The following HS3ST4 variants were observed in gnomAD, a reference collection of about 807,000 sequenced individuals.
The protein encoded by HS3ST4 is heparan sulfate-glucosamine 3-sulfotransferase 4, also known as heparan sulfate glucosamine 3-O-sulfotransferase 4.
Under a neutral mutation model 29.2 loss-of-function variants are expected in HS3ST4, and 17 were observed. That is an observed-to-expected ratio of 0.58 (90% confidence interval 0.40 to 0.87). The LOEUF (loss-of-function observed/expected upper bound fraction) is 0.87, where lower values mean the gene tolerates loss of function less well. HS3ST4 is among the 40% of genes least tolerant of loss of function. HS3ST4 has a pLI of 0.00. For synonymous variants in HS3ST4, 314 were observed against 285.7 expected, an observed-to-expected ratio of 1.10 and a Z score of -1.00; for missense variants, 627 against 634.5, an observed-to-expected ratio of 0.99 and a Z score of 0.13.
intron 1 of HS3ST4, among the ~76,000 whole-genome samples, chr16:25,902,026 C>T (rs1472507388): frequency 2.0e-5 from 3 of 152,224 alleles, no homozygotes; most frequent in African/African-American, 4.8e-5. Flanking sequence ...TCTACCTCTG[C>T]ATCACATCTC....
At chr16:25,929,745 G>C (rs1968444945) in intron 1 of HS3ST4, among the ~76,000 whole-genome samples, 1 of 152,176 alleles carries the variant, frequency 6.6e-6, no homozygotes, top group Non-Finnish European at 1.5e-5. Context: ...TGTTCAGCTT[G>C]TCTGAGAAGA....
At position 25,882,799 on chromosome 16, in the gene HS3ST4, A is replaced by G. The variant is rs114701886; in HGVS notation, c.734+189648A>G. Among the ~76,000 whole-genome samples, 684 of 152,266 alleles carry G rather than the reference A, an allele frequency of 4.5e-3. 4 individuals carry two copies. Among genetic ancestry groups the G allele is most frequent in the African/African-American group, 0.016 (645 of 41,554 alleles). On this transcript the variant is annotated intron_variant, in intron 1 of 1. Transcript: ENST00000331351. ...ACATGCTGGTCACTGTCTTCACCAG[A>G]TGCCCACAAGAATAATTAACATGGT...
intron 1 of HS3ST4, among the ~76,000 whole-genome samples, chr16:25,824,393 G>C (rs936212032): frequency 6.6e-6 from 1 of 152,152 alleles, no homozygotes; most frequent in African/African-American, 2.4e-5. Context: ...ATTTATAAAG[G>C]AAAGAGGCTT....
rs150134998 is a variant in HS3ST4, at chr16:25,822,993, C to T, written c.734+129842C>T. On this transcript the variant is annotated intron_variant, in intron 1 of 1. Coordinates refer to ENST00000331351, the MANE Select transcript of HS3ST4 (RefSeq NM_006040.3). ...CCTCAAGTGATCTGCCCTCCTTTGC[C>T]TCCTAAAGGGCTGGGATTACAGGCG... Among the ~76,000 whole-genome samples, 1,053 of 152,248 alleles carry T rather than the reference C, an allele frequency of 6.9e-3. 3 individuals are homozygous for T. The highest frequency in any genetic ancestry group is 0.012 in the Non-Finnish European group (799 of 68,022).
At position 26,059,327 on chromosome 16, in the gene HS3ST4, C is replaced by G. The variant is rs141899659; in HGVS notation, c.735-76285C>G. ...CCTCCCCTCCTCTCTCCTTGCCTCT[C>G]TCTCTTTTTTTTGAATATTGATCAC... On this transcript the variant is annotated intron_variant, in intron 1 of 1. Coordinates refer to ENST00000331351, the MANE Select transcript of HS3ST4 (RefSeq NM_006040.3). 7.5e-3 allele frequency among the ~76,000 whole-genome samples: 1,142 copies of G among 152,136 alleles called. 19 individuals are homozygous for G. Among genetic ancestry groups the G allele is most frequent in the African/African-American group, 0.027 (1,102 of 41,482 alleles).
chr16:26,084,394 T>A (rs1596675019), intron 1 of HS3ST4, among the ~76,000 whole-genome samples: 1 of 152,240 alleles, frequency 6.6e-6, no homozygotes, highest in East Asian at 1.9e-4. Flanking sequence ...AGAAATAGCC[T>A]CTTTGCTGGA....
At chr16:26,090,684 C>T (rs966940975) in intron 1 of HS3ST4, among the ~76,000 whole-genome samples, 15 of 152,002 alleles carry the variant, frequency 9.9e-5, no homozygotes, top group Admixed American at 3.3e-4. Context: ...AAAGGGCATG[C>T]GATCATAGAT....
At chr16:26,064,902 C>A (rs1045510354) in intron 1 of HS3ST4, among the ~76,000 whole-genome samples, 1 of 152,276 alleles carries the variant, frequency 6.6e-6, no homozygotes, top group East Asian at 1.9e-4. Context: ...CAGGCATGAG[C>A]CACCGTGCCC....
At chr16:25,775,561 T>C (rs1210707918) in intron 1 of HS3ST4, among the ~76,000 whole-genome samples, 1 of 152,142 alleles carries the variant, frequency 6.6e-6, no homozygotes, top group African/African-American at 2.4e-5. Context: ...GAAAAGTCAC[T>C]CCATCCCCAC....
At chr16:25,873,402 C>CCATCCATA (rs1265297273) in intron 1 of HS3ST4, among the ~76,000 whole-genome samples, 2 of 135,530 alleles carry the variant, frequency 1.5e-5, no homozygotes, top group Non-Finnish European at 3.2e-5. Context: ...ATCCATCCAT[C>CCATCCATA]CATCCATCCA....
At chr16:25,918,308 A>G (rs979782668) in intron 1 of HS3ST4, among the ~76,000 whole-genome samples, 2 of 152,198 alleles carry the variant, frequency 1.3e-5, no homozygotes, top group African/African-American at 2.4e-5. Context: ...CCCTCAGCCT[A>G]TTATAAAGCA....
chr16:25,786,794 A>G (rs1297854806), intron 1 of HS3ST4, among the ~76,000 whole-genome samples: 1 of 152,208 alleles, frequency 6.6e-6, no homozygotes, highest in African/African-American at 2.4e-5. Context: ...ATGCTTGATT[A>G]TACTATTTAA....
chr16:25,928,229 G>A (rs981822435), intron 1 of HS3ST4, among the ~76,000 whole-genome samples: 1 of 150,896 alleles, frequency 6.6e-6, no homozygotes, highest in African/African-American at 2.4e-5. Context: ...GCCAGGCATT[G>A]TGGCCTGTGC....
intron 1 of HS3ST4, among the ~76,000 whole-genome samples, chr16:26,033,100 C>T (rs1969547837): frequency 6.6e-6 from 1 of 152,036 alleles, no homozygotes; most frequent in African/African-American, 2.4e-5. Context: ...CACAGGTGGC[C>T]GGGTGCAGTG....
At chr16:26,090,411 C>T (rs529510889) in intron 1 of HS3ST4, among the ~76,000 whole-genome samples, 3 of 152,132 alleles carry the variant, frequency 2.0e-5, no homozygotes, top group East Asian at 3.9e-4. Context: ...GGCTGACAGA[C>T]GTTGAGGATG....
chr16:25,741,285 A>G (rs74527117), intron 1 of HS3ST4, among the ~76,000 whole-genome samples: 4,512 of 150,678 alleles, frequency 0.03, 192 homozygotes, highest in African/African-American at 0.1. Context: ...GTTTTTGCAT[A>G]AAGAAATGCA....
chr16:25,993,036 A>G (rs1969127692), intron 1 of HS3ST4, among the ~76,000 whole-genome samples: 2 of 152,026 alleles, frequency 1.3e-5, no homozygotes, highest in South Asian at 4.2e-4. Flanking sequence ...GCCTCCTTTC[A>G]GTTTGGGTCC....
intron 1 of HS3ST4, among the ~76,000 whole-genome samples, chr16:26,091,593 G>T (rs1361586376): frequency 6.6e-6 from 1 of 152,084 alleles, no homozygotes; most frequent in South Asian, 2.1e-4. Flanking sequence ...GGACTTCTGG[G>T]CAAAGGGTAA....
At chr16:25,910,957 G>A (rs1173643653) in intron 1 of HS3ST4, among the ~76,000 whole-genome samples, 2 of 152,158 alleles carry the variant, frequency 1.3e-5, no homozygotes, top group Non-Finnish European at 2.9e-5. Flanking sequence ...GCCCTGCCCA[G>A]TCTGAAAGGC....
Sources: allele counts gnomAD v4.1 joint callset (sites outside exome capture counted in the v4.1 genomes callset), GRCh38; gene constraint gnomAD v4.1.1; transcripts MANE v1.5; gene names NCBI Gene and HGNC (gene_info 2026-07-23, HGNC 2026-07-21).